SMOX: variants seen among roughly 807,000 people sequenced by gnomAD.
SMOX encodes spermine oxidase.
Under a neutral mutation model 51.0 loss-of-function variants are expected in SMOX, and 22 were observed. The observed-to-expected ratio is 0.43, with a 90% CI of 0.31 to 0.62. The LOEUF is 0.62. Among genes scored for constraint, SMOX ranks in the 20% least tolerant of loss-of-function variants. SMOX has a pLI of 0.10. For missense variants in SMOX, 566 were observed against 777.7 expected, an observed-to-expected ratio of 0.73 and a Z score of 3.24; for synonymous variants, 282 against 307.8, an observed-to-expected ratio of 0.92 and a Z score of 0.88.
Position 4,153,673 on chromosome 20 carries a change from C to T in SMOX, c.-27+4696C>T, listed in dbSNP as rs1456026585. On this transcript the variant is annotated intron_variant, in intron 1 of 6. Transcript: ENST00000305958. The surrounding 1 kb of genome is among the most constrained non-coding windows in gnomAD (Gnocchi z 4.4). ...CCAGCCTCCTAGGAAGAGAGGGAGG[C>T]AGGGTTAGTGGAAACTGAGGCACAG... 1.3e-5 allele frequency among the ~76,000 whole-genome samples: 2 copies of T among 152,144 alleles called. No homozygotes were observed. The highest frequency in any genetic ancestry group is 3.9e-4 in the East Asian group (2 of 5,182).
At chr20:4,156,783 C>T (rs184395329) in intron 1 of SMOX, among the ~76,000 whole-genome samples, 13 of 152,298 alleles carry the variant, frequency 8.5e-5, no homozygotes, top group South Asian at 2.1e-4. Flanking sequence ...CACTCTGTCA[C>T]GCAGGCTGGA....
At chr20:4,171,362 C>G (rs1362141247) in intron 1 of SMOX, among the ~76,000 whole-genome samples, 1 of 152,200 alleles carries the variant, frequency 6.6e-6, no homozygotes, top group African/African-American at 2.4e-5. Flanking sequence ...TGCCCCCACT[C>G]CCCAGCAGGC....
At chr20:4,157,682 G>T (rs6052409) in intron 1 of SMOX, among the ~76,000 whole-genome samples, 2 of 152,116 alleles carry the variant, frequency 1.3e-5, no homozygotes, top group Non-Finnish European at 2.9e-5. Context: ...ACATGAGGCA[G>T]GGTGTGAGTG....
intron 1 of SMOX, among the ~76,000 whole-genome samples, chr20:4,157,935 C>T (rs911093239): frequency 2.6e-5 from 4 of 151,996 alleles, no homozygotes; most frequent in African/African-American, 7.3e-5. Flanking sequence ...GAGTCTCGCT[C>T]TGTCGCCCAG....
intron 1 of SMOX, among the ~76,000 whole-genome samples, chr20:4,159,016 T>C (rs376390629): frequency 8.8e-6 from 1 of 113,530 alleles, no homozygotes; most frequent in African/African-American, 3.5e-5. Flanking sequence ...TTTTGGAAAA[T>C]TAAAAAAAAA....
At chr20:4,171,921 CCATG>C (rs1978420830) in intron 1 of SMOX, 1 of 152,316 alleles carries the variant, frequency 6.6e-6, no homozygotes, top group Non-Finnish European at 1.5e-5. Context: ...GACAAGCGGG[CCATG>C]CATGGCTCTG....
intron 1 of SMOX, among the ~76,000 whole-genome samples, chr20:4,161,240 G>A (rs1986299493): frequency 6.6e-6 from 1 of 152,230 alleles, no homozygotes; most frequent in African/African-American, 2.4e-5. Flanking sequence ...GGTGGTGCTG[G>A]GGACACTGAC....
chr20:4,181,874 G>T lies in SMOX; in HGVS notation c.507G>T (p.Gly169=). 1 of 1,614,110 alleles carries T rather than the reference G, an allele frequency of 6.2e-7. No individual in the cohort carries two copies. ...PVNAESQNSV[G]VFTREEVRNR... is the part of the protein sequence containing the mutation. Reference sequence around the variant, plus strand: ...ATGCTGAAAGTCAAAATAGCGTGGGGGTGTTCACCCGAGAGGAGGTGCGTA... The same window carrying T: ...ATGCTGAAAGTCAAAATAGCGTGGGTGTGTTCACCCGAGAGGAGGTGCGTA... The change falls in exon 4 of 7, where the codon GGG becomes GGT. Residue 169 remains glycine, a synonymous_variant. Coordinates refer to ENST00000305958, the MANE Select transcript of SMOX (RefSeq NM_175839.3). The surrounding 1 kb of genome is among the most constrained non-coding windows in gnomAD (Gnocchi z 5.6).
Position 4,175,125 on chromosome 20 carries a change from C to T in SMOX, c.70C>T (p.Gln24Ter). The change falls in exon 2 of 7, where the codon CAG (glutamine) becomes TAG (stop). Residue 24 changes from glutamine (Q) to a stop codon, truncating the protein, a stop_gained. Coordinates refer to ENST00000305958, the MANE Select transcript of SMOX (RefSeq NM_175839.3). LOFTEE classifies it high-confidence loss of function. ...PLSRGLRRRG[Q>*]PRVVVIGAGL... Reference sequence around the variant, plus strand: ...CAGTCGCGGCCTACGGAGAAGGGGACAGCCTCGTGTGGTGGTGATCGGCGC... The same window carrying T: ...CAGTCGCGGCCTACGGAGAAGGGGATAGCCTCGTGTGGTGGTGATCGGCGC... 1 of 1,614,246 alleles carries T rather than the reference C, an allele frequency of 6.2e-7. No individual in the cohort carries two copies. The highest frequency in any genetic ancestry group is 8.5e-7 in the Non-Finnish European group (1 of 1,180,058).
At chr20:4,169,072 A>G (rs1049081857) in intron 1 of SMOX, among the ~76,000 whole-genome samples, 12 of 152,048 alleles carry the variant, frequency 7.9e-5, no homozygotes, top group African/African-American at 2.7e-4. Flanking sequence ...CTCGGTCTCC[A>G]GTGTAGCTGG....
intron 1 of SMOX, among the ~76,000 whole-genome samples, chr20:4,168,349 C>A (rs1364330157): frequency 6.6e-6 from 1 of 152,122 alleles, no homozygotes; most frequent in Non-Finnish European, 1.5e-5. Flanking sequence ...TGGGGCACTT[C>A]AGCTGGTGGA....
At chr20:4,176,459 A>G (rs1041191487) in intron 2 of SMOX, among the ~76,000 whole-genome samples, 1 of 152,224 alleles carries the variant, frequency 6.6e-6, no homozygotes, top group African/African-American at 2.4e-5. Flanking sequence ...AGATAGGAGG[A>G]ATCATTGTGA....
At chr20:4,164,580 G>C (rs1315763350) in intron 1 of SMOX, among the ~76,000 whole-genome samples, 1 of 152,158 alleles carries the variant, frequency 6.6e-6, no homozygotes, top group Non-Finnish European at 1.5e-5. Flanking sequence ...TTATTAAGTT[G>C]GGTCGTCAAA....
chr20:4,174,430 G>T (rs1466806594), intron 1 of SMOX, among the ~76,000 whole-genome samples: 3 of 152,154 alleles, frequency 2.0e-5, no homozygotes, highest in Admixed American at 6.5e-5. Flanking sequence ...GTCCAGGCAA[G>T]TGTCCTGGGG....
rs1285586840 is a variant in SMOX, at chr20:4,187,081, A to G, written c.1531-189A>G. Among the ~76,000 whole-genome samples, 1 of 152,216 alleles carries G rather than the reference A, an allele frequency of 6.6e-6. No individual in the cohort carries two copies. The highest frequency in any genetic ancestry group is 1.5e-5 in the Non-Finnish European group (1 of 68,030). On this transcript the variant is annotated intron_variant, in intron 6 of 6. Transcript: ENST00000305958. This position sits in a 1 kb window ranked among gnomAD's most constrained non-coding sequence, Gnocchi z 4.8. The stretch of plus-strand genomic sequence containing the variant: ...AATGGCCTCAAGACAGAAAGAGCCA[A>G]GGGAAGAAGCAGGGGAAAGTGGCCA...
In SMOX at chr20:4,172,513, G is replaced by A. The variant is rs1220131734; in HGVS notation, c.-26-2517G>A. The stretch of plus-strand genomic sequence containing the variant: ...CCTCTCGGGAGGGAGGCAGGACCTA[G>A]CATCTCTGGGGCGAGGGAGGAGAGG... On this transcript the variant is annotated intron_variant, in intron 1 of 6. Coordinates refer to ENST00000305958, the MANE Select transcript of SMOX (RefSeq NM_175839.3). The surrounding 1 kb of genome is among the most constrained non-coding windows in gnomAD (Gnocchi z 7.7). Among the ~76,000 whole-genome samples, 1 of 152,146 alleles carries A rather than the reference G, an allele frequency of 6.6e-6. No homozygotes were observed. Among genetic ancestry groups the A allele is most frequent in the African/African-American group, 2.4e-5 (1 of 41,426 alleles).
At chr20:4,165,090 T>C (rs1427260497) in intron 1 of SMOX, among the ~76,000 whole-genome samples, 1 of 138,434 alleles carries the variant, frequency 7.2e-6, no homozygotes, top group Admixed American at 8.2e-5. Context: ...AGTCTCGCTC[T>C]GTTGTCCAGG....
chr20:4,176,485 G>T (rs1050578279), intron 2 of SMOX, among the ~76,000 whole-genome samples: 1 of 152,166 alleles, frequency 6.6e-6, no homozygotes, highest in Admixed American at 6.5e-5. Context: ...TTGGCAAAAA[G>T]TGTGCCACAT....
In SMOX at chr20:4,181,664, TC is replaced by T; in HGVS notation, c.436-138del. 1 of 1,038,974 alleles carries T rather than the reference TC, an allele frequency of 9.6e-7. No individual in the cohort carries two copies. Among genetic ancestry groups the T allele is most frequent in the Non-Finnish European group, 1.4e-6 (1 of 718,744 alleles). 64.4% of individuals were successfully genotyped at this position (1,038,974 alleles called of 1,614,324 possible). Reference sequence around the variant, plus strand: ...TTTTGGTGCAGCATTGAGTGCAACATCGGATCCCTAAGGGACAGAGACCAGG... The same window carrying T: ...TTTTGGTGCAGCATTGAGTGCAACATGGATCCCTAAGGGACAGAGACCAGG... On this transcript the variant is annotated intron_variant, in intron 3 of 6. Transcript: ENST00000305958. This position sits in a 1 kb window ranked among gnomAD's most constrained non-coding sequence, Gnocchi z 5.6.
Sources: allele counts gnomAD v4.1 joint callset (sites outside exome capture counted in the v4.1 genomes callset), GRCh38; gene constraint gnomAD v4.1.1; non-coding constraint Gnocchi (gnomAD v3.1); transcripts MANE v1.5; gene names NCBI Gene and HGNC (gene_info 2026-07-23, HGNC 2026-07-21).